CEP63: variants seen among roughly 807,000 people sequenced by gnomAD.
CEP63 encodes centrosomal protein of 63 kDa.
Under a neutral mutation model 89.1 loss-of-function variants are expected in CEP63, and 84 were observed. The ratio of observed to expected loss-of-function variants is 0.94; its 90% CI spans 0.79 to 1.13. The LOEUF is 1.13. Ranked by LOEUF, CEP63 falls within the 50% of genes most tolerant of loss-of-function variation. The pLI is 0.00. For missense variants in CEP63, 838 were observed against 813.3 expected, an observed-to-expected ratio of 1.03 and a Z score of -0.37; for synonymous variants, 267 against 272.5, an observed-to-expected ratio of 0.98 and a Z score of 0.20.
chr3:134,781,068 T>C, the CEP63 span, among the ~76,000 whole-genome samples: 1 of 152,362 alleles, frequency 6.6e-6, no homozygotes, highest in African/African-American at 2.4e-5. Context: ...TTTTCATATA[T>C]ACATTGATCC....
chr3:134,664,504 C>G, the CEP63 span, among the ~76,000 whole-genome samples: 1 of 152,182 alleles, frequency 6.6e-6, no homozygotes, highest in Middle Eastern at 3.2e-3. Flanking sequence ...CAGAGACAGC[C>G]CTCTGTGCAT....
At position 134,564,715 on chromosome 3, in the gene CEP63, CT is replaced by C; in HGVS notation, c.*3181del. 1 of 985,388 alleles carries C rather than the reference CT, an allele frequency of 1.0e-6. No homozygotes were observed. Among genetic ancestry groups the C allele is most frequent in the African/African-American group, 1.7e-5 (1 of 57,344 alleles). 61.0% of individuals were successfully genotyped at this position (985,388 alleles called of 1,614,324 possible). On this transcript the variant is annotated 3_prime_UTR_variant, in exon 15 of 15. Coordinates refer to ENST00000675561, the MANE Select transcript of CEP63 (RefSeq NM_001353108.3). ...TTAAGTACTGTACCTATGTGCATTG[CT>C]GTTACATTCAGGAGATTTCTGAGTT...
intron 3 of CEP63, among the ~76,000 whole-genome samples, chr3:134,529,855 T>G: frequency 6.9e-6 from 1 of 145,314 alleles, no homozygotes. Context: ...GTTTACCAAG[T>G]CAAGGTTAAG....
chr3:134,668,114 A>G, the CEP63 span, among the ~76,000 whole-genome samples: 1 of 152,144 alleles, frequency 6.6e-6, no homozygotes, highest in Non-Finnish European at 1.5e-5. Context: ...GACTGAGGAC[A>G]GACTTGCAGG....
Position 134,564,150 on chromosome 3 carries a change from G to C in CEP63, c.*2615G>C. 2 of 455,996 alleles carry C rather than the reference G, an allele frequency of 4.4e-6. No homozygotes were observed. Among genetic ancestry groups the C allele is most frequent in the Non-Finnish European group, 5.8e-6 (2 of 346,044 alleles). 28.2% of individuals were successfully genotyped at this position (455,996 alleles called of 1,614,324 possible). On this transcript the variant is annotated 3_prime_UTR_variant, in exon 15 of 15. Transcript: ENST00000675561. ...TCTGTCTTTAGAATTAAAACTCCTT[G>C]AGGGCAAGGACTTTGCTTCTCTGGT...
At chr3:134,727,588 C>G in the CEP63 span, among the ~76,000 whole-genome samples, 7 of 152,302 alleles carry the variant, frequency 4.6e-5, 1 homozygote, top group South Asian at 1.4e-3. Context: ...GGAGGCATGA[C>G]AGAGGGCAGG....
the CEP63 span, among the ~76,000 whole-genome samples, chr3:134,738,088 T>C: frequency 6.6e-6 from 1 of 152,092 alleles, no homozygotes. Flanking sequence ...CAAAATAAAA[T>C]TGTGATTAGA....
chr3:134,591,594 G>A (rs556069803), downstream of CEP63, among the ~76,000 whole-genome samples: 71 of 152,256 alleles, frequency 4.7e-4, no homozygotes, highest in African/African-American at 1.7e-3. Context: ...AATGGCTCAT[G>A]CCTGTAATCC....
intron 5 of CEP63, chr3:134,535,736 A>G (rs1017042164): frequency 3.3e-5 from 5 of 151,874 alleles, no homozygotes; most frequent in African/African-American, 4.8e-5. Context: ...TCTCCCCAAC[A>G]CTGATTCATG....
the CEP63 span, among the ~76,000 whole-genome samples, chr3:134,723,176 C>T: frequency 6.6e-6 from 1 of 152,278 alleles, no homozygotes; most frequent in African/African-American, 2.4e-5. Flanking sequence ...TTTTTCACCC[C>T]TCCCTGTGTC....
chr3:134,649,790 T>C, the CEP63 span, among the ~76,000 whole-genome samples: 2 of 152,224 alleles, frequency 1.3e-5, no homozygotes, highest in Non-Finnish European at 2.9e-5. Flanking sequence ...GCAGCATTAC[T>C]TAAGCAAGGC....
chr3:134,727,437 G>A, the CEP63 span, among the ~76,000 whole-genome samples: 2,550 of 152,248 alleles, frequency 0.017, 69 homozygotes, highest in African/African-American at 0.058. Flanking sequence ...TCCAGATCTG[G>A]GTGACTTTGA....
chr3:134,595,172 TG>T, the CEP63 span, among the ~76,000 whole-genome samples: 1 of 152,170 alleles, frequency 6.6e-6, no homozygotes, highest in Admixed American at 6.5e-5. Context: ...AATTTAATCA[TG>T]GGGGTGGTTA....
the CEP63 span, among the ~76,000 whole-genome samples, chr3:134,682,141 T>A: frequency 2.0e-5 from 3 of 152,198 alleles, no homozygotes; most frequent in Non-Finnish European, 4.4e-5. Flanking sequence ...GGCTCTGGTC[T>A]AATGTATCTC....
At chr3:134,591,836 A>G (rs1958602126), downstream of CEP63, among the ~76,000 whole-genome samples, 2 of 152,166 alleles carry the variant, frequency 1.3e-5, no homozygotes, top group South Asian at 4.1e-4. Flanking sequence ...AGCTGAGATC[A>G]TGCCACTACA....
At chr3:134,547,556 C>A in intron 9 of CEP63, 84 bp downstream of exon 9, 1 of 1,008,864 alleles carries the variant, frequency 9.9e-7, no homozygotes, top group South Asian at 1.4e-5. Context: ...ATGTAATAGT[C>A]ATAGTAAAAA....
the CEP63 span, among the ~76,000 whole-genome samples, chr3:134,749,989 A>G: frequency 1.3e-5 from 2 of 152,204 alleles, no homozygotes; most frequent in Non-Finnish European, 2.9e-5. Flanking sequence ...AAGCCCCTGC[A>G]GTATGTGAGC....
the CEP63 span, chr3:134,651,448 G>C: frequency 9.8e-7 from 1 of 1,018,768 alleles, no homozygotes; most frequent in Non-Finnish European, 1.2e-6. Context: ...TCAACATTGA[G>C]AGTAGATTCA....
At chr3:134,496,541 A>G (rs909263152) in intron 2 of CEP63, among the ~76,000 whole-genome samples, 2 of 152,180 alleles carry the variant, frequency 1.3e-5, no homozygotes, top group African/African-American at 4.8e-5. Flanking sequence ...CTTTGGTGAC[A>G]GATGCCAGGT....
Sources: gnomAD v4.1 joint callset for allele counts (sites outside exome capture counted in the v4.1 genomes callset) on GRCh38, gnomAD v4.1.1 for gene constraint, MANE v1.5 for transcripts, NCBI Gene and HGNC (gene_info 2026-07-23, HGNC 2026-07-21) for gene names.